Variants in TMTC1 observed in about 807,000 individuals in gnomAD.
The protein encoded by TMTC1 is transmembrane O-mannosyltransferase targeting cadherins 1.
Under a neutral mutation model 104.8 loss-of-function variants are expected in TMTC1, and 73 were observed. The ratio of observed to expected loss-of-function variants is 0.70; its 90% CI spans 0.58 to 0.85. The LOEUF (loss-of-function observed/expected upper bound fraction) is 0.85, where lower values mean the gene tolerates loss of function less well. Ranked by LOEUF, TMTC1 falls within the 40% of genes least tolerant of loss-of-function variation. TMTC1 has a pLI of 0.00. For synonymous variants in TMTC1, 434 were observed against 428.7 expected, an observed-to-expected ratio of 1.01 and a Z score of -0.15; for missense variants, 1,035 against 1,096.1, an observed-to-expected ratio of 0.94 and a Z score of 0.79.
intron 6 of TMTC1, among the ~76,000 whole-genome samples, chr12:29,606,973 GCC>G (rs57146094): frequency 0.39 from 57,758 of 148,944 alleles, 11,358 homozygotes; most frequent in East Asian, 0.46. Flanking sequence ...CAACCTTCCT[GCC>G]CCCCCCCCTC....
chr12:29,724,245 T>C (rs2199621), intron 5 of TMTC1, among the ~76,000 whole-genome samples: 58,468 of 152,088 alleles, frequency 0.38, 11,785 homozygotes, highest in Non-Finnish European at 0.46. Context: ...TAAAGTCTGA[T>C]ATATCAGCGT....
chr12:29,589,034 A>T (rs1330989555), intron 7 of TMTC1, among the ~76,000 whole-genome samples: 3 of 151,730 alleles, frequency 2.0e-5, no homozygotes, highest in Non-Finnish European at 4.4e-5. Flanking sequence ...GTTCCTAAGC[A>T]GTTAGCTACA....
Position 29,587,479 on chromosome 12 carries a change from T to C in TMTC1, c.1251-3905A>G, listed in dbSNP as rs554871242. Among the ~76,000 whole-genome samples the C allele has an allele frequency of 7.2e-5, 11 of 152,060 alleles. No individual in the cohort carries two copies. In the South Asian group the frequency reaches 2.3e-3, roughly 32 times the overall value. ...CTCCCCAGTAGTTGGGACTTAGGTGTTCACCACTACACCCAACTAATTTTT... is the reference window on the plus strand; with the variant it reads ...CTCCCCAGTAGTTGGGACTTAGGTGCTCACCACTACACCCAACTAATTTTT... On this transcript the variant is annotated intron_variant, in intron 7 of 17. Transcript: ENST00000539277.
Position 29,783,391 on chromosome 12 carries a change from C to A in TMTC1, c.302+59G>T. On this transcript the variant is annotated intron_variant, in intron 1 of 17. Transcript: ENST00000539277. This position sits in a 1 kb window ranked among gnomAD's most constrained non-coding sequence, Gnocchi z 4.7. ...GTCAGTCCCGCAACTTCTCCCGGTC[C>A]GAGGGACGGGCGGAGGGTAGAGGAG... The A allele has an allele frequency of 7.9e-7, 1 of 1,259,180 alleles. No homozygotes were observed. Among genetic ancestry groups the A allele is most frequent in the Non-Finnish European group, 1.0e-6 (1 of 998,524 alleles). 78.0% of individuals were successfully genotyped at this position (1,259,180 alleles called of 1,614,324 possible). A position where few individuals can be genotyped will look rare whatever the true frequency, so the allele number is the denominator to read the frequency against.
chr12:29,557,750 C>T (rs1213015915), intron 9 of TMTC1, among the ~76,000 whole-genome samples: 1 of 152,158 alleles, frequency 6.6e-6, no homozygotes, highest in Non-Finnish European at 1.5e-5. Flanking sequence ...ACACCTGGCC[C>T]ATAAACATCT....
intron 5 of TMTC1, among the ~76,000 whole-genome samples, chr12:29,673,374 T>C (rs2136688140): frequency 6.6e-6 from 1 of 152,340 alleles, no homozygotes; most frequent in East Asian, 1.9e-4. Context: ...CATGTCAATG[T>C]TTGTGTAAAA....
intron 5 of TMTC1, among the ~76,000 whole-genome samples, chr12:29,711,692 G>A (rs549825966): frequency 2.6e-5 from 4 of 152,214 alleles, no homozygotes; most frequent in African/African-American, 7.2e-5. Flanking sequence ...AATTGGCAAA[G>A]AGCTCTGAGA....
chr12:29,661,491 A>G (rs61922228), intron 5 of TMTC1: 3 of 179,012 alleles, frequency 1.7e-5, no homozygotes, highest in East Asian at 4.1e-4. Context: ...GTGCGATCTC[A>G]GCTCACTGCA....
chr12:29,527,922 T>C (rs1449179969), intron 11 of TMTC1, among the ~76,000 whole-genome samples: 1 of 152,184 alleles, frequency 6.6e-6, no homozygotes, highest in Non-Finnish European at 1.5e-5. Flanking sequence ...GGGCAATGAA[T>C]CACAGCCCTA....
chr12:29,584,331 C>G (rs1287396909), intron 7 of TMTC1, among the ~76,000 whole-genome samples: 1 of 152,152 alleles, frequency 6.6e-6, no homozygotes, highest in East Asian at 1.9e-4. Flanking sequence ...CACTTGGACA[C>G]AGAAGAATAT....
chr12:29,693,784 G>A (rs1238873630), intron 5 of TMTC1, among the ~76,000 whole-genome samples: 1 of 152,078 alleles, frequency 6.6e-6, no homozygotes, highest in Admixed American at 6.5e-5. Context: ...GATTAGAGAT[G>A]TATTTTCATA....
At chr12:29,590,872 T>C (rs1946264132) in intron 7 of TMTC1, among the ~76,000 whole-genome samples, 1 of 152,170 alleles carries the variant, frequency 6.6e-6, no homozygotes, top group Non-Finnish European at 1.5e-5. Context: ...TCAGGGCAAC[T>C]TGAATCTATT....
At position 29,711,798 on chromosome 12, in the gene TMTC1, G is replaced by A. The variant is rs1257051081; in HGVS notation, c.938+39868C>T. Among the ~76,000 whole-genome samples, 4 of 152,000 alleles carry A rather than the reference G, an allele frequency of 2.6e-5. No homozygotes were observed. The East Asian group carries it at 5.8e-4, about 22-fold the overall frequency. ...AGGCAGGCAGATCATGAGGTCAGGAGATCGAGACCATCCTGGCTAACACAG... is the reference window on the plus strand; with the variant it reads ...AGGCAGGCAGATCATGAGGTCAGGAAATCGAGACCATCCTGGCTAACACAG... On this transcript the variant is annotated intron_variant, in intron 5 of 17. Coordinates refer to ENST00000539277, the MANE Select transcript of TMTC1 (RefSeq NM_001193451.2).
intron 8 of TMTC1, among the ~76,000 whole-genome samples, chr12:29,575,255 T>A (rs1565681572): frequency 6.6e-6 from 1 of 151,940 alleles, no homozygotes. Context: ...TGCAACTTAT[T>A]TGGATTAAAT....
intron 5 of TMTC1, among the ~76,000 whole-genome samples, chr12:29,710,206 C>A (rs1224031428): frequency 6.6e-6 from 1 of 152,168 alleles, no homozygotes; most frequent in Admixed American, 6.6e-5. Flanking sequence ...GGCTTTCAGA[C>A]TGAGCTACTC....
chr12:29,507,121 T>C, intron 17 of TMTC1, 135 bp from the exon 18 acceptor site: 1 of 724,702 alleles, frequency 1.4e-6, no homozygotes. Context: ...TCTGTATGTG[T>C]AATTTTATCC....
intron 5 of TMTC1, among the ~76,000 whole-genome samples, chr12:29,693,843 G>C (rs1278390298): frequency 6.6e-6 from 1 of 152,018 alleles, no homozygotes; most frequent in Non-Finnish European, 1.5e-5. Context: ...AAAATGCCCG[G>C]GCAGACTGAC....
intron 6 of TMTC1, among the ~76,000 whole-genome samples, chr12:29,632,020 G>A (rs1035794053): frequency 6.6e-6 from 1 of 152,114 alleles, no homozygotes; most frequent in Admixed American, 6.6e-5. Flanking sequence ...TTTTGCTTGT[G>A]CATATGTCAT....
intron 9 of TMTC1, among the ~76,000 whole-genome samples, chr12:29,567,603 C>T (rs906465589): frequency 6.6e-6 from 1 of 152,202 alleles, no homozygotes; most frequent in African/African-American, 2.4e-5. Flanking sequence ...CACATCTCCA[C>T]CTGTTAAACC....
Sources: gnomAD v4.1 joint callset for allele counts (sites outside exome capture counted in the v4.1 genomes callset) on GRCh38, gnomAD v4.1.1 for gene constraint, Gnocchi (gnomAD v3.1) non-coding constraint, MANE v1.5 for transcripts, NCBI Gene and HGNC (gene_info 2026-07-23, HGNC 2026-07-21) for gene names.